FAM120B: variants seen among roughly 807,000 people sequenced by gnomAD.
FAM120B encodes the protein constitutive coactivator of peroxisome proliferator-activated receptor gamma.
A neutral mutation model predicts 96.3 loss-of-function variants in FAM120B; 83 were observed. That is an observed-to-expected ratio of 0.86 (90% CI 0.72 to 1.03). The LOEUF (loss-of-function observed/expected upper bound fraction) is 1.03, where lower values mean the gene tolerates loss of function less well. Among genes scored for constraint, FAM120B ranks in the 50% least tolerant of loss-of-function variants. FAM120B has a pLI of 0.00. For synonymous variants in FAM120B, 407 were observed against 402.7 expected, an observed-to-expected ratio of 1.01 and a Z score of -0.13; for missense variants, 1,027 against 1,121.2, an observed-to-expected ratio of 0.92 and a Z score of 1.20.
chr6:170,323,448 G>A (rs896320123), intron 3 of FAM120B, among the ~76,000 whole-genome samples, 189 bp downstream of exon 3: 5 of 152,170 alleles, frequency 3.3e-5, no homozygotes, highest in African/African-American at 9.7e-5. Flanking sequence ...GCCATTGGAC[G>A]TCTATATCTA....
intron 6 of FAM120B, among the ~76,000 whole-genome samples, chr6:170,360,710 A>G (rs1278221182): frequency 2.0e-5 from 3 of 152,172 alleles, no homozygotes; most frequent in Non-Finnish European, 4.4e-5. Flanking sequence ...GTGACTGGGC[A>G]GCTTGTGATC....
rs77285229 is a variant in FAM120B at position 170,377,064 on chromosome 6, T to C, written c.2284-11223T>C. 0.036 allele frequency among the ~76,000 whole-genome samples: 2,632 copies of C among 73,038 alleles called. 182 individuals carry two copies. In the East Asian group the frequency reaches 0.43, roughly 12 times the overall value. 47.9% of individuals were successfully genotyped at this position (73,038 alleles called of 152,430 possible). On this transcript the variant is annotated intron_variant, in intron 6 of 10. Coordinates refer to ENST00000476287, the MANE Select transcript of FAM120B (RefSeq NM_032448.3). The stretch of plus-strand genomic sequence containing the variant: ...ACACGCGTCCCTAAACCCAGACGCC[T>C]GGGAGAACACAGGCTCACGCTGCTC...
chr6:170,376,032 T>A (rs1789490830), intron 6 of FAM120B, among the ~76,000 whole-genome samples: 1 of 152,144 alleles, frequency 6.6e-6, no homozygotes, highest in African/African-American at 2.4e-5. Flanking sequence ...CACGGGGAGC[T>A]GTAATGAATT....
intron 9 of FAM120B, among the ~76,000 whole-genome samples, chr6:170,399,588 T>C (rs1778424759): frequency 6.7e-6 from 1 of 149,770 alleles, no homozygotes; most frequent in South Asian, 2.1e-4. Context: ...TCATAACCCT[T>C]AGGAGTGAGT....
In FAM120B at chr6:170,333,509, A is replaced by G. The variant is rs117573687; in HGVS notation, c.2017+2959A>G. 0.01 allele frequency among the ~76,000 whole-genome samples: 1,519 copies of G among 148,820 alleles called. 65 individuals are homozygous for G. In the East Asian group the frequency reaches 0.1, roughly 10 times the overall value. On this transcript the variant is annotated intron_variant, in intron 4 of 10. Transcript: ENST00000476287. The stretch of plus-strand genomic sequence containing the variant: ...TTATTTACATGCATATATTTCTGTG[A>G]GCCTCATCTTTTTTTTTTTTTTTTT...
chr6:170,404,850 C>A lies in FAM120B; in HGVS notation c.*99C>A, dbSNP rs1024343157. ...CTGTTGCAGCTGCAAGGAGACCATG[C>A]CTGTGGGAGCCAGGCCTCGCTTGCA... On this transcript the variant is annotated 3_prime_UTR_variant, in exon 11 of 11. Coordinates refer to ENST00000476287, the MANE Select transcript of FAM120B (RefSeq NM_032448.3). 1.2e-5 allele frequency: 6 copies of A among 487,598 alleles called. No homozygotes were observed. The East Asian group carries it at 2.0e-4, about 16-fold the overall frequency. The allele number at this position is 487,598 out of a possible 1,614,324, so 30.2% of individuals were successfully genotyped here. A position where few individuals can be genotyped will look rare whatever the true frequency, so the allele number is the denominator to read the frequency against.
rs533869374 is a variant in FAM120B, at chr6:170,395,523, C to T, written c.2636C>T (p.Thr879Met). ...WGRQGSSYHRTGSGYSRSSQG... is the reference protein window; with the variant it reads ...WGRQGSSYHRMGSGYSRSSQG... ...AGACAGGGCTCCAGCTACCACAGGA[C>T]GGGCTCTGGGTATAGCCGTTCCAGT... Residue 879 changes from threonine (T) to methionine (M), a missense_variant, in exon 9 of 11, where the codon ACG (threonine) becomes ATG (methionine). This residue lies in a region of FAM120B where 142 missense variants were observed against 122.5 expected (regional missense o/e 1.16). Transcript: ENST00000476287. 3.5e-4 allele frequency: 565 copies of T among 1,600,626 alleles called. 8 individuals carry two copies. In the South Asian group the frequency reaches 5.9e-3, roughly 17 times the overall value.
Position 170,323,061 on chromosome 6 carries a change from T to C in FAM120B, c.1735-18T>C. 6.3e-7 allele frequency: 1 copy of C among 1,589,112 alleles called. No homozygotes were observed. Among genetic ancestry groups the C allele is most frequent in the African/African-American group, 1.4e-5 (1 of 73,964 alleles). ...CTGTTTTTAAGGAGAAATTCAGTTG[T>C]ATTTAAATTTCAAACAGGTTGCTAG... is the stretch of plus-strand genomic sequence containing the variant. On this transcript the variant is annotated intron_variant, in intron 2 of 10. Coordinates refer to ENST00000476287, the MANE Select transcript of FAM120B (RefSeq NM_032448.3).
At chr6:170,307,947 G>C (rs941367875) in intron 1 of FAM120B, among the ~76,000 whole-genome samples, 2 of 152,212 alleles carry the variant, frequency 1.3e-5, no homozygotes, top group Non-Finnish European at 2.9e-5. Context: ...TGGAGCAGCA[G>C]GGTCCTAACC....
chr6:170,316,151 A>G (rs779735492), intron 1 of FAM120B, among the ~76,000 whole-genome samples: 2 of 151,266 alleles, frequency 1.3e-5, no homozygotes, highest in Non-Finnish European at 2.9e-5. Context: ...TAGTTTCTTC[A>G]TTTGTAAAAT....
At chr6:170,398,716 G>T (rs1275070179) in intron 9 of FAM120B, among the ~76,000 whole-genome samples, 1 of 148,532 alleles carries the variant, frequency 6.7e-6, no homozygotes, top group African/African-American at 2.5e-5. Context: ...GGGGAAGGTA[G>T]AACTATGTCA....
At chr6:170,348,970 G>C (rs1787398478) in intron 5 of FAM120B, among the ~76,000 whole-genome samples, 1 of 152,146 alleles carries the variant, frequency 6.6e-6, no homozygotes, top group African/African-American at 2.4e-5. Flanking sequence ...CGACAAGGTG[G>C]ACTGTTTCTT....
At chr6:170,391,268 C>G (rs1790465590) in intron 8 of FAM120B, 147 bp downstream of exon 8, 1 of 639,706 alleles carries the variant, frequency 1.6e-6, no homozygotes, top group Middle Eastern at 2.6e-4. Flanking sequence ...GGTGCGGTGG[C>G]TCACGCCTGT....
chr6:170,351,188 G>GGAA (rs1787552321), intron 5 of FAM120B, among the ~76,000 whole-genome samples: 3 of 152,130 alleles, frequency 2.0e-5, no homozygotes. Context: ...ACCAAACGGA[G>GGAA]GAATCTCAGA....
intron 6 of FAM120B, among the ~76,000 whole-genome samples, chr6:170,365,767 C>A (rs997125853): frequency 3.3e-5 from 5 of 151,682 alleles, no homozygotes; most frequent in African/African-American, 1.2e-4. Context: ...CCCCTGACAC[C>A]CCGCCTCCCC....
chr6:170,404,507 G>C (rs753818449), intron 9 of FAM120B, 43 bp from the exon 10 acceptor site: 1 of 1,568,890 alleles, frequency 6.4e-7, no homozygotes. Flanking sequence ...TGTATTGAGA[G>C]AGATTTAATT....
chr6:170,342,929 G>GTGT (rs1382911829), intron 4 of FAM120B, among the ~76,000 whole-genome samples: 1 of 152,202 alleles, frequency 6.6e-6, no homozygotes, highest in Non-Finnish European at 1.5e-5. Context: ...GACTGGATGG[G>GTGT]TGTGGATGGA....
At chr6:170,383,107 A>G (rs200040158) in intron 6 of FAM120B, among the ~76,000 whole-genome samples, 2,363 of 151,974 alleles carry the variant, frequency 0.016, 99 homozygotes, top group East Asian at 0.099. Context: ...AAAAAGAAAA[A>G]AAAAAAAAAA....
At chr6:170,364,393 G>C (rs1168545650) in intron 6 of FAM120B, among the ~76,000 whole-genome samples, 1 of 152,174 alleles carries the variant, frequency 6.6e-6, no homozygotes, top group Non-Finnish European at 1.5e-5. Context: ...TGAGAAGCCA[G>C]AGTGTCCCAC....
Sources: allele counts gnomAD v4.1 joint callset (sites outside exome capture counted in the v4.1 genomes callset), GRCh38; gene constraint gnomAD v4.1.1; regional missense constraint gnomAD v4.1.1; transcripts MANE v1.5; gene names NCBI Gene and HGNC (gene_info 2026-07-23, HGNC 2026-07-21).